The following RALYL variants were observed in gnomAD, a reference collection of about 807,000 sequenced individuals.
The protein encoded by RALYL is RALY RNA binding protein like, also known as RNA-binding Raly-like protein.
A neutral mutation model predicts 35.1 loss-of-function variants in RALYL; 29 were observed. That is an observed-to-expected ratio of 0.83 (90% confidence interval 0.61 to 1.13). The LOEUF is 1.13. Among genes scored for constraint, RALYL ranks in the 50% most tolerant of loss-of-function variants. The probability of loss-of-function intolerance (pLI) is 0.00; values close to 1 mark genes in which losing one functional copy is unlikely to be tolerated. For missense variants in RALYL, 359 were observed against 360.4 expected (o/e 1.00, Z 0.03); for synonymous variants, 120 against 127.6 (o/e 0.94, Z 0.40).
At position 84,492,374 on chromosome 8, in the gene RALYL, A is replaced by AT. The variant is rs558296344; in HGVS notation, c.-23-36919dup. 5.8e-4 allele frequency among the ~76,000 whole-genome samples: 89 copies of AT among 152,216 alleles called. No homozygotes were observed. The East Asian group carries it at 0.012, about 20-fold the overall frequency. On this transcript the variant is annotated intron_variant, in intron 1 of 8. Transcript: ENST00000521268. ...TTTAAAAGAGATTTGATTACAAAAC[A>AT]TTTTTTGCAAAATTTACTGTATCAT...
At chr8:84,649,149 T>C (rs1472059059) in intron 2 of RALYL, among the ~76,000 whole-genome samples, 1 of 152,112 alleles carries the variant, frequency 6.6e-6, no homozygotes, top group Non-Finnish European at 1.5e-5. Flanking sequence ...CCAAAACTCT[T>C]CTATAAATCC....
intron 1 of RALYL, among the ~76,000 whole-genome samples, chr8:84,286,431 G>A (rs1367254836): frequency 6.6e-6 from 1 of 152,166 alleles, no homozygotes; most frequent in Non-Finnish European, 1.5e-5. Context: ...TATCATTTTT[G>A]TTACCGAACT....
intron 6 of RALYL, among the ~76,000 whole-genome samples, chr8:84,870,306 T>C (rs897325522): frequency 2.0e-5 from 3 of 151,548 alleles, no homozygotes; most frequent in African/African-American, 7.3e-5. Flanking sequence ...TCACCCAGGC[T>C]GGTGTGCAGT....
intron 2 of RALYL, among the ~76,000 whole-genome samples, chr8:84,567,748 G>A (rs560315399): frequency 7.3e-5 from 11 of 151,396 alleles, no homozygotes; most frequent in Non-Finnish European, 1.5e-4. Flanking sequence ...GGATTGGATG[G>A]TAATTCTATT....
chr8:84,563,078 A>G (rs2061565701), intron 2 of RALYL, among the ~76,000 whole-genome samples: 2 of 151,898 alleles, frequency 1.3e-5, no homozygotes, highest in African/African-American at 2.4e-5. Flanking sequence ...TGAACTGCAC[A>G]GGAGACCTGG....
intron 1 of RALYL, among the ~76,000 whole-genome samples, chr8:84,244,662 C>T (rs1586499281): frequency 6.6e-6 from 1 of 152,168 alleles, no homozygotes; most frequent in East Asian, 1.9e-4. Context: ...ACCCAATTAC[C>T]TCAAAAACTG....
At chr8:84,698,862 T>C (rs1439292127) in intron 2 of RALYL, among the ~76,000 whole-genome samples, 1 of 152,162 alleles carries the variant, frequency 6.6e-6, no homozygotes, top group Non-Finnish European at 1.5e-5. Context: ...ACCATTGTCC[T>C]GAGTCTTCTG....
intron 8 of RALYL, among the ~76,000 whole-genome samples, chr8:84,896,427 C>A (rs146576772): frequency 5.3e-5 from 8 of 152,334 alleles, no homozygotes; most frequent in African/African-American, 1.7e-4. Flanking sequence ...GCAGATTGTT[C>A]TCCAAAGAGC....
intron 1 of RALYL, among the ~76,000 whole-genome samples, chr8:84,273,686 C>T (rs1377933992): frequency 2.6e-5 from 4 of 152,128 alleles, no homozygotes; most frequent in Admixed American, 6.5e-5. Context: ...GGTGAAAATA[C>T]GTAGTTCCTA....
chr8:84,338,595 T>C (rs1848242185), intron 1 of RALYL, among the ~76,000 whole-genome samples: 1 of 151,990 alleles, frequency 6.6e-6, no homozygotes, highest in South Asian at 2.1e-4. Flanking sequence ...ATATTTTGAG[T>C]GGAAGTGTAA....
At chr8:84,700,922 GA>G (rs1251049395) in intron 2 of RALYL, among the ~76,000 whole-genome samples, 1 of 152,086 alleles carries the variant, frequency 6.6e-6, no homozygotes, top group Non-Finnish European at 1.5e-5. Context: ...TGTTATCCTT[GA>G]AAAAACCTGA....
chr8:84,851,304 A>G (rs1283319505), intron 5 of RALYL, among the ~76,000 whole-genome samples: 4 of 152,180 alleles, frequency 2.6e-5, no homozygotes, highest in Admixed American at 6.5e-5. Flanking sequence ...TTTATTATTT[A>G]TGCATTTATT....
chr8:84,300,171 T>C (rs530053339), intron 1 of RALYL, among the ~76,000 whole-genome samples: 1 of 152,182 alleles, frequency 6.6e-6, no homozygotes, highest in African/African-American at 2.4e-5. Flanking sequence ...AATGTCTTGA[T>C]TTCTGCCTTA....
chr8:84,502,734 C>T (rs527452859), intron 1 of RALYL, among the ~76,000 whole-genome samples: 1 of 151,702 alleles, frequency 6.6e-6, no homozygotes, highest in East Asian at 1.9e-4. Flanking sequence ...AAAAATTATA[C>T]CAACTACTAT....
At chr8:84,436,667 T>A (rs752582135) in intron 1 of RALYL, among the ~76,000 whole-genome samples, 5 of 149,216 alleles carry the variant, frequency 3.4e-5, no homozygotes, top group Non-Finnish European at 7.4e-5. Flanking sequence ...TTTATTGGGG[T>A]ATAATTGATA....
chr8:84,698,444 C>A (rs1839563389), intron 2 of RALYL, among the ~76,000 whole-genome samples: 1 of 151,976 alleles, frequency 6.6e-6, no homozygotes, highest in African/African-American at 2.4e-5. Context: ...AACATATATT[C>A]TTTGAAGCAG....
intron 3 of RALYL, among the ~76,000 whole-genome samples, chr8:84,793,006 C>T (rs1821150870): frequency 6.6e-6 from 1 of 152,096 alleles, no homozygotes; most frequent in Non-Finnish European, 1.5e-5. Flanking sequence ...AGCAACTGGA[C>T]ATATGAAGTT....
At chr8:84,919,726 T>C (rs1470941205) in intron 8 of RALYL, among the ~76,000 whole-genome samples, 2 of 152,068 alleles carry the variant, frequency 1.3e-5, no homozygotes, top group African/African-American at 4.8e-5. Context: ...GCTTCTTTCC[T>C]AGGGATATAA....
chr8:84,516,602 T>C (rs1478826650), intron 1 of RALYL, among the ~76,000 whole-genome samples: 1 of 152,174 alleles, frequency 6.6e-6, no homozygotes, highest in Non-Finnish European at 1.5e-5. Context: ...AGCAAAGTTG[T>C]ATTTTTAATA....
Sources: gnomAD v4.1 joint callset for allele counts (sites outside exome capture counted in the v4.1 genomes callset) on GRCh38, gnomAD v4.1.1 for gene constraint, MANE v1.5 for transcripts, NCBI Gene and HGNC (gene_info 2026-07-23, HGNC 2026-07-21) for gene names.